The following KHDRBS2 variants were observed in gnomAD, a reference collection of about 807,000 sequenced individuals.
The protein encoded by KHDRBS2 is KH RNA binding domain containing, signal transduction associated 2.
In KHDRBS2, 26 loss-of-function variants were observed where a neutral mutation model predicts 44.3. That is an observed-to-expected ratio of 0.59 (90% CI 0.43 to 0.81). KHDRBS2 has a LOEUF of 0.81. Among genes scored for constraint, KHDRBS2 ranks in the 40% least tolerant of loss-of-function variants. The pLI is 0.00. For synonymous variants in KHDRBS2, 194 were observed against 151.1 expected (o/e 1.28, Z -2.08); for missense variants, 476 against 433.1 (o/e 1.10, Z -0.88).
intron 4 of KHDRBS2, among the ~76,000 whole-genome samples, chr6:61,911,482 G>T (rs1583467903): frequency 6.6e-6 from 1 of 152,096 alleles, no homozygotes; most frequent in Non-Finnish European, 1.5e-5. Flanking sequence ...CGCAAGGATC[G>T]AAGCCTTCTT....
chr6:61,819,198 A>T (rs1789480942), intron 6 of KHDRBS2, among the ~76,000 whole-genome samples: 1 of 152,066 alleles, frequency 6.6e-6, no homozygotes, highest in Non-Finnish European at 1.5e-5. Context: ...GATTTCATTC[A>T]TACAAATCAA....
At chr6:62,051,635 C>T (rs961943894) in intron 2 of KHDRBS2, among the ~76,000 whole-genome samples, 2 of 151,904 alleles carry the variant, frequency 1.3e-5, no homozygotes, top group Admixed American at 6.6e-5. Flanking sequence ...AACAAATAAA[C>T]GGGACTACAT....
intron 3 of KHDRBS2, among the ~76,000 whole-genome samples, chr6:62,043,936 A>AT (rs1481768246): frequency 1.3e-5 from 2 of 151,870 alleles, no homozygotes; most frequent in South Asian, 2.1e-4. Context: ...TATTTTCTTA[A>AT]TTTTTTTTAA....
intron 6 of KHDRBS2, among the ~76,000 whole-genome samples, chr6:61,775,004 T>G (rs1781704301): frequency 6.6e-6 from 1 of 152,052 alleles, no homozygotes; most frequent in African/African-American, 2.4e-5. Context: ...AATCAATAAA[T>G]GTAATCCAAC....
chr6:61,741,217 G>C (rs546881784), intron 6 of KHDRBS2, among the ~76,000 whole-genome samples: 1 of 151,308 alleles, frequency 6.6e-6, no homozygotes, highest in East Asian at 1.9e-4. Flanking sequence ...CTACCCCATA[G>C]ACACAGAATC....
rs1782779018 is a variant in KHDRBS2 at position 62,023,819 on chromosome 6, A to T, written c.336+24059T>A. ...TATTTACAGAATCATTATTCCTAAAATTACTTAGATATGCGCAAATAATTT... is the reference window on the plus strand; with the variant it reads ...TATTTACAGAATCATTATTCCTAAATTTACTTAGATATGCGCAAATAATTT... On this transcript the variant is annotated intron_variant, in intron 3 of 8. Coordinates refer to ENST00000281156, the MANE Select transcript of KHDRBS2 (RefSeq NM_152688.4). Among the ~76,000 whole-genome samples, 4 of 151,282 alleles carry T rather than the reference A, an allele frequency of 2.6e-5. No individual in the cohort carries two copies. In the South Asian group the frequency reaches 8.3e-4, roughly 31 times the overall value.
chr6:61,986,696 G>A (rs766392778), intron 3 of KHDRBS2, among the ~76,000 whole-genome samples: 16 of 152,040 alleles, frequency 1.1e-4, no homozygotes, highest in African/African-American at 1.9e-4. Context: ...TCAACATGCC[G>A]GCAGATTCCG....
At chr6:61,624,950 C>T in the KHDRBS2 span, among the ~76,000 whole-genome samples, 1 of 152,040 alleles carries the variant, frequency 6.6e-6, no homozygotes, top group African/African-American at 2.4e-5. Context: ...TAGAGCTGCT[C>T]CTGGGAGTGT....
chr6:62,255,986 T>G (rs1288815951), intron 1 of KHDRBS2, among the ~76,000 whole-genome samples: 1 of 151,294 alleles, frequency 6.6e-6, no homozygotes, highest in Admixed American at 6.6e-5. Context: ...AAAATAAAAA[T>G]TAGCCAGGCA....
intron 6 of KHDRBS2, among the ~76,000 whole-genome samples, chr6:61,893,263 G>A (rs1471256548): frequency 6.6e-6 from 1 of 152,202 alleles, no homozygotes; most frequent in Non-Finnish European, 1.5e-5. Context: ...GTGCTGGAGA[G>A]GATGTGGAGA....
chr6:61,845,787 T>C (rs1412553391), intron 6 of KHDRBS2, among the ~76,000 whole-genome samples: 1 of 152,226 alleles, frequency 6.6e-6, no homozygotes, highest in Non-Finnish European at 1.5e-5. Flanking sequence ...TAGTGTTTCA[T>C]AGATGCAGCA....
At chr6:61,737,667 C>T (rs565862317) in intron 6 of KHDRBS2, among the ~76,000 whole-genome samples, 1 of 152,104 alleles carries the variant, frequency 6.6e-6, no homozygotes, top group East Asian at 1.9e-4. Flanking sequence ...CAAGAGTGTT[C>T]TAGCAGCTAG....
chr6:61,720,571 G>A (rs2127555140), intron 7 of KHDRBS2, among the ~76,000 whole-genome samples: 1 of 152,256 alleles, frequency 6.6e-6, no homozygotes, highest in Middle Eastern at 3.4e-3. Context: ...CAGCATAAAT[G>A]TCTTCTTTTG....
chr6:61,674,603 T>G, the KHDRBS2 span, among the ~76,000 whole-genome samples: 1 of 151,784 alleles, frequency 6.6e-6, no homozygotes, highest in African/African-American at 2.4e-5. Flanking sequence ...TCATTATTGT[T>G]ATTAATGCTA....
intron 6 of KHDRBS2, among the ~76,000 whole-genome samples, chr6:61,772,768 C>G (rs1781173877): frequency 6.6e-6 from 1 of 152,014 alleles, no homozygotes; most frequent in South Asian, 2.1e-4. Context: ...TTAGGTATAT[C>G]TCCTAAAGCT....
chr6:61,887,619 G>C (rs1220990914), intron 6 of KHDRBS2, among the ~76,000 whole-genome samples: 1 of 152,146 alleles, frequency 6.6e-6, no homozygotes, highest in African/African-American at 2.4e-5. Context: ...TACATTCCAT[G>C]TGGTCAGAAA....
At chr6:61,891,060 CAT>C (rs1372204764) in intron 6 of KHDRBS2, among the ~76,000 whole-genome samples, 1 of 151,950 alleles carries the variant, frequency 6.6e-6, no homozygotes, top group Non-Finnish European at 1.5e-5. Flanking sequence ...TTAACCAGTC[CAT>C]ATGTTTTGAG....
At chr6:62,167,664 C>T (rs9346193) in intron 2 of KHDRBS2, among the ~76,000 whole-genome samples, 92,067 of 151,854 alleles carry the variant, frequency 0.61, 28,085 homozygotes, top group Non-Finnish European at 0.62. Flanking sequence ...TCACAAAGCC[C>T]ATCAAATCCT....
intron 4 of KHDRBS2, among the ~76,000 whole-genome samples, chr6:61,969,287 A>G (rs1247790804): frequency 2.6e-5 from 4 of 152,052 alleles, no homozygotes; most frequent in Admixed American, 6.6e-5. Flanking sequence ...TTCTAGAGAA[A>G]AGGTTATTCT....
Sources: gnomAD v4.1 joint callset for allele counts (sites outside exome capture counted in the v4.1 genomes callset) on GRCh38, gnomAD v4.1.1 for gene constraint, MANE v1.5 for transcripts, NCBI Gene and HGNC (gene_info 2026-07-23, HGNC 2026-07-21) for gene names.